Variants in MID1 observed in about 807,000 individuals in gnomAD.
MID1 encodes the protein midline 1.
In MID1, 7 loss-of-function variants were observed where a neutral mutation model predicts 40.4. The observed-to-expected ratio is 0.17, with a 90% CI of 0.10 to 0.33. The LOEUF (loss-of-function observed/expected upper bound fraction) is 0.33. Among genes scored for constraint, MID1 ranks in the 10% least tolerant of loss-of-function variants. The probability of loss-of-function intolerance (pLI) is 1.00; values close to 1 mark genes in which losing one functional copy is unlikely to be tolerated. For synonymous variants in MID1, 229 were observed against 221.2 expected (o/e 1.04, Z -0.31); for missense variants, 367 against 558.5 (o/e 0.66, Z 3.46).
At chrX:10,743,230 A>G (rs1207689436) in intron 1 of MID1, among the ~76,000 whole-genome samples, 1 of 112,347 alleles carries the variant, frequency 8.9e-6, no homozygotes, top group Non-Finnish European at 1.9e-5. Context: ...CATGTGATAA[A>G]CTATTTTGCA....
At chrX:10,633,381 G>A (rs1199390647) in intron 1 of MID1, among the ~76,000 whole-genome samples, 1 of 111,701 alleles carries the variant, frequency 9.0e-6, no homozygotes, top group Non-Finnish European at 1.9e-5. Flanking sequence ...AAAAGGGTAT[G>A]TTAAAAGCCC....
At chrX:10,815,471 A>T (rs2044129768) in intron 1 of MID1, among the ~76,000 whole-genome samples, 1 of 112,693 alleles carries the variant, frequency 8.9e-6, no homozygotes, top group Non-Finnish European at 1.9e-5. Context: ...TAGGGATGTC[A>T]TGAGCTCACA....
At chrX:10,736,927 T>C (rs2043491743) in intron 1 of MID1, among the ~76,000 whole-genome samples, 1 of 112,165 alleles carries the variant, frequency 8.9e-6, no homozygotes, top group Non-Finnish European at 1.9e-5. Flanking sequence ...CCATAGGCTT[T>C]TGAGGATTTG....
chrX:10,571,805 C>T (rs985465971), intron 1 of MID1, among the ~76,000 whole-genome samples: 2 of 109,784 alleles, frequency 1.8e-5, no homozygotes, highest in African/African-American at 6.7e-5. Context: ...CCTGTGGTCC[C>T]AGATACTTGG....
chrX:10,500,019 C>A (rs1288475178), intron 3 of MID1, among the ~76,000 whole-genome samples: 1 of 112,171 alleles, frequency 8.9e-6, no homozygotes. Flanking sequence ...TGAAGAAACA[C>A]CTAAACTTAT....
intron 2 of MID1, among the ~76,000 whole-genome samples, chrX:10,555,438 T>C (rs1451834411): frequency 2.7e-5 from 3 of 111,568 alleles, no homozygotes; most frequent in South Asian, 7.6e-4. Context: ...AATTATCTCA[T>C]TGATTGAGCT....
chrX:10,742,778 C>T (rs1170492680), intron 1 of MID1, among the ~76,000 whole-genome samples: 1 of 112,165 alleles, frequency 8.9e-6, no homozygotes, highest in Non-Finnish European at 1.9e-5. Context: ...TTGATTTTGG[C>T]AGTCTCCATG....
chrX:10,831,874 T>TA (rs1180060302), intron 1 of MID1, among the ~76,000 whole-genome samples: 1 of 112,384 alleles, frequency 8.9e-6, no homozygotes, highest in Non-Finnish European at 1.9e-5. Context: ...ACTATGTACA[T>TA]ATCAACTCAC....
chrX:10,750,631 G>GAAAAATA (rs1276318958), intron 1 of MID1, among the ~76,000 whole-genome samples: 2 of 108,013 alleles, frequency 1.9e-5, no homozygotes, highest in African/African-American at 6.8e-5. Context: ...ACTCTGTCTC[G>GAAAAATA]AAAAATAAAA....
chrX:10,819,338 TC>T (rs1293372721), intron 1 of MID1, among the ~76,000 whole-genome samples: 1 of 112,268 alleles, frequency 8.9e-6, no homozygotes, highest in Non-Finnish European at 1.9e-5. Context: ...GTAACTTATC[TC>T]CCTTATGCAT....
At chrX:10,772,713 T>C (rs2043779022) in intron 1 of MID1, among the ~76,000 whole-genome samples, 2 of 111,140 alleles carry the variant, frequency 1.8e-5, no homozygotes, top group African/African-American at 6.5e-5. Context: ...AAAATTTATA[T>C]TAAATATTTA....
intron 1 of MID1, among the ~76,000 whole-genome samples, chrX:10,628,503 C>T (rs746854567): frequency 6.5e-4 from 73 of 111,484 alleles, no homozygotes; most frequent in Non-Finnish European, 1.2e-3. Context: ...AATAACTATT[C>T]TTTTTCATAG....
intron 1 of MID1, among the ~76,000 whole-genome samples, chrX:10,772,175 G>A (rs1216589661): frequency 9.0e-6 from 1 of 110,840 alleles, no homozygotes; most frequent in Non-Finnish European, 1.9e-5. Flanking sequence ...ATGTATATAT[G>A]TGTGTGTGTA....
At chrX:10,599,986 T>C (rs775107496) in intron 1 of MID1, among the ~76,000 whole-genome samples, 14 of 111,811 alleles carry the variant, frequency 1.3e-4, no homozygotes, top group Non-Finnish European at 2.3e-4. Flanking sequence ...ATAAAGTTCT[T>C]CAGTTGCCAC....
intron 3 of MID1, among the ~76,000 whole-genome samples, chrX:10,496,092 C>A (rs1931237055): frequency 8.9e-6 from 1 of 112,157 alleles, no homozygotes; most frequent in Admixed American, 9.5e-5. Flanking sequence ...CAATATTATT[C>A]TTTTATGGAG....
At chrX:10,570,455 T>C (rs1335134368) in intron 1 of MID1, among the ~76,000 whole-genome samples, 1 of 112,442 alleles carries the variant, frequency 8.9e-6, no homozygotes, top group Non-Finnish European at 1.9e-5. Flanking sequence ...AACACTAGAA[T>C]ATAAGCTCTG....
At chrX:10,703,129 T>C (rs1381820077) in intron 1 of MID1, among the ~76,000 whole-genome samples, 1 of 112,281 alleles carries the variant, frequency 8.9e-6, no homozygotes, top group Non-Finnish European at 1.9e-5. Context: ...TTACTAGAGA[T>C]ATATTTTAGT....
At chrX:10,717,882 A>C (rs2043317853) in intron 1 of MID1, among the ~76,000 whole-genome samples, 1 of 111,975 alleles carries the variant, frequency 8.9e-6, no homozygotes, top group Non-Finnish European at 1.9e-5. Flanking sequence ...AGAACTCAGG[A>C]TTAAGAAACT....
chrX:10,772,159 A>G (rs1246289000), intron 1 of MID1, among the ~76,000 whole-genome samples: 1 of 110,933 alleles, frequency 9.0e-6, no homozygotes, highest in Non-Finnish European at 1.9e-5. Flanking sequence ...GTGTGTGTGT[A>G]TATATATGTA....
Sources: gnomAD v4.1 joint callset for allele counts (sites outside exome capture counted in the v4.1 genomes callset) on GRCh38, gnomAD v4.1.1 for gene constraint, MANE v1.5 for transcripts, NCBI Gene and HGNC (gene_info 2026-07-23, HGNC 2026-07-21) for gene names.